MYO3A: variants seen among roughly 807,000 people sequenced by gnomAD.
MYO3A encodes myosin IIIA.
A neutral mutation model predicts 192.7 loss-of-function variants in MYO3A; 180 were observed. The ratio of observed to expected loss-of-function variants is 0.93; its 90% CI spans 0.83 to 1.06. MYO3A has a LOEUF of 1.06. Among genes scored for constraint, MYO3A ranks in the 50% least tolerant of loss-of-function variants. MYO3A has a pLI of 0.00. For synonymous variants in MYO3A, 628 were observed against 645.3 expected, an observed-to-expected ratio of 0.97 and a Z score of 0.41; for missense variants, 1,896 against 1,905.0, an observed-to-expected ratio of 1.00 and a Z score of 0.09.
chr10:26,165,961 T>C, intron 26 of MYO3A, 106 bp from the exon 27 acceptor site: 1 of 924,646 alleles, frequency 1.1e-6, no homozygotes, highest in Non-Finnish European at 1.8e-6. Flanking sequence ...GCATCAAGTC[T>C]GGGCATCTCT....
At chr10:26,000,580 G>A (rs1463219388) in intron 6 of MYO3A, among the ~76,000 whole-genome samples, 1 of 152,094 alleles carries the variant, frequency 6.6e-6, no homozygotes, top group East Asian at 1.9e-4. Flanking sequence ...TTTAGCATAT[G>A]GAGAGAAGTT....
intron 25 of MYO3A, among the ~76,000 whole-genome samples, 185 bp downstream of exon 25, chr10:26,155,008 T>C (rs1340503316): frequency 6.6e-6 from 1 of 152,240 alleles, no homozygotes; most frequent in Non-Finnish European, 1.5e-5. Context: ...ACATTCTACC[T>C]GTGAAATTAT....
intron 11 of MYO3A, among the ~76,000 whole-genome samples, chr10:26,068,137 A>G (rs1245248256): frequency 2.6e-5 from 4 of 152,114 alleles, no homozygotes; most frequent in Non-Finnish European, 4.4e-5. Context: ...AGATATTAAT[A>G]TATTAAATGG....
At chr10:26,099,417 G>A (rs567697885) in intron 17 of MYO3A, among the ~76,000 whole-genome samples, 25 of 152,226 alleles carry the variant, frequency 1.6e-4, no homozygotes, top group East Asian at 3.9e-4. Context: ...TCTCCTGCCT[G>A]ATTGCCCTGG....
At chr10:25,985,503 A>C (rs1314053732) in intron 4 of MYO3A, among the ~76,000 whole-genome samples, 1 of 152,204 alleles carries the variant, frequency 6.6e-6, no homozygotes, top group Non-Finnish European at 1.5e-5. Context: ...TGAAAACGAA[A>C]TGGGAGATAT....
intron 26 of MYO3A, among the ~76,000 whole-genome samples, chr10:26,159,843 A>G (rs1396557244): frequency 3.3e-5 from 5 of 152,188 alleles, no homozygotes; most frequent in Admixed American, 3.3e-4. Flanking sequence ...CCTCAAGTTT[A>G]GAGTCCAGAA....
chr10:26,089,197 A>ATG lies in MYO3A; in HGVS notation c.1562+794_1562+795dup, dbSNP rs762834433. On this transcript the variant is annotated intron_variant, in intron 15 of 34. Transcript: ENST00000642920. ...TTTTATATTAGTACATTATTATTTA[A>ATG]TGTAAGTGCCTTCAAGCTTGGTGTC... Among the ~76,000 whole-genome samples, 6 of 152,322 alleles carry ATG rather than the reference A, an allele frequency of 3.9e-5. No homozygotes were observed. In the East Asian group the frequency reaches 1.2e-3, roughly 29 times the overall value.
intron 6 of MYO3A, among the ~76,000 whole-genome samples, chr10:26,009,915 A>C (rs2130996810): frequency 6.6e-6 from 1 of 152,326 alleles, no homozygotes; most frequent in South Asian, 2.1e-4. Context: ...GGCAAAAAGG[A>C]AATGGAAAAA....
Position 25,954,883 on chromosome 10 carries a change from G to A in MYO3A, c.178G>A (p.Glu60Lys), listed in dbSNP as rs752594701. The change falls in exon 4 of 35, where the codon GAA becomes AAA. Residue 60 changes from glutamate (E) to lysine (K), a missense_variant. Coordinates refer to ENST00000642920, the MANE Select transcript of MYO3A (RefSeq NM_017433.5). Reference protein sequence around the residue: ...KILDPIHDIDEEIEAEYNILK... With the variant: ...KILDPIHDIDKEIEAEYNILK... ...GACTTTTTGAAACTAGGATATTGACGAAGAGATTGAAGCAGAATATAACAT... is the reference window on the plus strand; with the variant it reads ...GACTTTTTGAAACTAGGATATTGACAAAGAGATTGAAGCAGAATATAACAT... 29 of 1,611,928 alleles carry A rather than the reference G, an allele frequency of 1.8e-5. No homozygotes were observed. The highest frequency in any genetic ancestry group is 1.7e-4 in the Middle Eastern group (1 of 6,036).
intron 2 of MYO3A, among the ~76,000 whole-genome samples, chr10:25,945,533 T>C (rs182568449): frequency 2.6e-5 from 4 of 152,218 alleles, no homozygotes; most frequent in African/African-American, 7.2e-5. Context: ...ATTTTGGAGC[T>C]CTAAATTTTG....
At chr10:26,039,825 C>G (rs1042164749) in intron 10 of MYO3A, among the ~76,000 whole-genome samples, 37 of 151,790 alleles carry the variant, frequency 2.4e-4, no homozygotes, top group African/African-American at 8.9e-4. Flanking sequence ...AAAAAATCAA[C>G]TTTTTGTTTC....
chr10:26,104,124 A>C (rs1021938476), intron 17 of MYO3A, among the ~76,000 whole-genome samples: 2 of 152,048 alleles, frequency 1.3e-5, no homozygotes, highest in Non-Finnish European at 2.9e-5. Flanking sequence ...CAAAAAAAAA[A>C]AAAATTATAG....
chr10:26,209,181 T>C (rs1331502829), intron 34 of MYO3A, among the ~76,000 whole-genome samples: 1 of 152,210 alleles, frequency 6.6e-6, no homozygotes. Context: ...CTCAGGATTC[T>C]ATGGATGACC....
chr10:25,977,500 G>A (rs1337033589), intron 4 of MYO3A, among the ~76,000 whole-genome samples: 1 of 152,054 alleles, frequency 6.6e-6, no homozygotes, highest in Non-Finnish European at 1.5e-5. Context: ...TAGTCAAGCA[G>A]ATAAACCAAT....
chr10:26,004,082 A>C (rs1024355834), intron 6 of MYO3A, among the ~76,000 whole-genome samples: 2 of 152,188 alleles, frequency 1.3e-5, no homozygotes, highest in African/African-American at 4.8e-5. Context: ...ACAAGCAAGC[A>C]TGGGAGTCCA....
chr10:26,209,078 GGCTCTCA>G (rs1372227687), intron 34 of MYO3A, among the ~76,000 whole-genome samples: 4 of 152,056 alleles, frequency 2.6e-5, no homozygotes, highest in African/African-American at 9.7e-5. Context: ...CAAACTTCCT[GGCTCTCA>G]GCTGACAACC....
At chr10:25,975,944 A>G (rs1233078884) in intron 4 of MYO3A, among the ~76,000 whole-genome samples, 1 of 152,246 alleles carries the variant, frequency 6.6e-6, no homozygotes, top group East Asian at 1.9e-4. Context: ...CACCCAATTT[A>G]AAGGTAGTAA....
chr10:26,024,152 T>A lies in MYO3A; in HGVS notation c.797+65T>A, dbSNP rs1266964878. Reference sequence around the variant, plus strand: ...CTCCTGCTATAACTAAATCTCCTCCTATTTCTTCTTATCTGTTAAACAGCC... The same window carrying A: ...CTCCTGCTATAACTAAATCTCCTCCAATTTCTTCTTATCTGTTAAACAGCC... On this transcript the variant is annotated intron_variant, in intron 9 of 34. Coordinates refer to ENST00000642920, the MANE Select transcript of MYO3A (RefSeq NM_017433.5). 5 of 1,407,490 alleles carry A rather than the reference T, an allele frequency of 3.6e-6. No individual in the cohort carries two copies. In the East Asian group the frequency reaches 1.2e-4, roughly 32 times the overall value. 87.2% of individuals were successfully genotyped at this position (1,407,490 alleles called of 1,614,324 possible). A position where few individuals can be genotyped will look rare whatever the true frequency, so the allele number is the denominator to read the frequency against.
chr10:25,946,119 G>A (rs1212564602), intron 2 of MYO3A, among the ~76,000 whole-genome samples: 3 of 152,078 alleles, frequency 2.0e-5, no homozygotes, highest in Non-Finnish European at 4.4e-5. Context: ...AAAAAAAGTG[G>A]CATTAACTAA....
Sources: gnomAD v4.1 joint callset for allele counts (sites outside exome capture counted in the v4.1 genomes callset) on GRCh38, gnomAD v4.1.1 for gene constraint, MANE v1.5 for transcripts, NCBI Gene and HGNC (gene_info 2026-07-23, HGNC 2026-07-21) for gene names.